UTP20: variants seen among roughly 807,000 people sequenced by gnomAD.
UTP20 encodes the protein UTP20 small subunit processome component.
Under a neutral mutation model 329.5 loss-of-function variants are expected in UTP20, and 164 were observed. The observed-to-expected ratio is 0.50, with a 90% CI of 0.44 to 0.57. The LOEUF (loss-of-function observed/expected upper bound fraction) is 0.57. Ranked by LOEUF, UTP20 falls within the 20% of genes least tolerant of loss-of-function variation. The probability of loss-of-function intolerance (pLI) is 0.00; values close to 1 mark genes in which losing one functional copy is unlikely to be tolerated. For synonymous variants in UTP20, 1,151 were observed against 1,159.3 expected, an observed-to-expected ratio of 0.99 and a Z score of 0.14; for missense variants, 3,055 against 3,284.2, an observed-to-expected ratio of 0.93 and a Z score of 1.71.
intron 27 of UTP20, among the ~76,000 whole-genome samples, chr12:101,332,714 T>C (rs1460193690): frequency 6.6e-6 from 1 of 152,208 alleles, no homozygotes; most frequent in Non-Finnish European, 1.5e-5. Context: ...CTTGACTCAG[T>C]CACATCATCC....
intron 12 of UTP20, among the ~76,000 whole-genome samples, chr12:101,296,322 A>G (rs2137239203): frequency 6.6e-6 from 1 of 152,338 alleles, no homozygotes; most frequent in Non-Finnish European, 1.5e-5. Context: ...CTGTAATCCC[A>G]GCACTTTGGG....
intron 40 of UTP20, among the ~76,000 whole-genome samples, chr12:101,353,616 A>G (rs1869613613): frequency 1.3e-5 from 2 of 152,186 alleles, no homozygotes; most frequent in South Asian, 4.1e-4. Context: ...CAGAAGGATC[A>G]GTGGAGCCTA....
chr12:101,366,424 G>A, intron 46 of UTP20, 134 bp from the exon 47 acceptor site: 2 of 1,057,410 alleles, frequency 1.9e-6, no homozygotes, highest in Non-Finnish European at 2.7e-6. Flanking sequence ...TTGGGGGTTT[G>A]GGGAGGGGCA....
intron 2 of UTP20, among the ~76,000 whole-genome samples, chr12:101,283,394 C>T (rs1459413489): frequency 6.6e-6 from 1 of 152,172 alleles, no homozygotes; most frequent in Non-Finnish European, 1.5e-5. Flanking sequence ...AAGGCAGAAG[C>T]TGTCAAGACC....
At chr12:101,358,961 A>C (rs1255944610) in intron 43 of UTP20, among the ~76,000 whole-genome samples, 1 of 152,148 alleles carries the variant, frequency 6.6e-6, no homozygotes, top group Admixed American at 6.6e-5. Context: ...CAGTTTGATC[A>C]TGATGTGTCT....
At chr12:101,308,024 A>G (rs1872684878) in intron 17 of UTP20, among the ~76,000 whole-genome samples, 161 bp from the exon 18 acceptor site, 1 of 152,208 alleles carries the variant, frequency 6.6e-6, no homozygotes, top group Non-Finnish European at 1.5e-5. Context: ...TGGTATGGGG[A>G]GAAAAGAATC....
In UTP20 at chr12:101,340,622, T is replaced by C. The variant is rs1869091304; in HGVS notation, c.4101+12T>C. On this transcript the variant is annotated intron_variant, in intron 32 of 61. Transcript: ENST00000261637. ...GCAATATTGCTGAGGTACAAACTCA[T>C]AGGACACTTAACTTTGTCTCTAGAG... 8.3e-6 allele frequency: 13 copies of C among 1,564,408 alleles called. No homozygotes were observed. Among genetic ancestry groups the C allele is most frequent in the Non-Finnish European group, 9.7e-6 (11 of 1,138,410 alleles).
At chr12:101,294,868 G>A (rs903687296) in intron 11 of UTP20, among the ~76,000 whole-genome samples, 1 of 152,110 alleles carries the variant, frequency 6.6e-6, no homozygotes, top group Non-Finnish European at 1.5e-5. Context: ...GTTTATAATT[G>A]CCTCGTTCTT....
chr12:101,381,168 A>G lies in UTP20; in HGVS notation c.7613A>G (p.His2538Arg). 3 of 1,614,046 alleles carry G rather than the reference A, an allele frequency of 1.9e-6. No homozygotes were observed. Among genetic ancestry groups the G allele is most frequent in the South Asian group, 1.1e-5 (1 of 91,084 alleles). ...AAAAGTATCTCTCTCGCCTCTTGCCATCAATTGCATTCCAAATTCTTGGAT... is the reference window on the plus strand; with the variant it reads ...AAAAGTATCTCTCTCGCCTCTTGCCGTCAATTGCATTCCAAATTCTTGGAT... ...KMKSISLASC[H>R]QLHSKFLDQS... Residue 2538 changes from histidine to arginine, a missense_variant, in exon 58 of 62, where the codon CAT becomes CGT. This residue lies in a region of UTP20 where 337 missense variants were observed against 345.5 expected (regional missense o/e 0.98). Transcript: ENST00000261637.
At chr12:101,310,624 A>ATCTGTC (rs1191130682) in intron 19 of UTP20, among the ~76,000 whole-genome samples, 1 of 149,616 alleles carries the variant, frequency 6.7e-6, no homozygotes, top group Non-Finnish European at 1.5e-5. Context: ...ATGTGTAGAA[A>ATCTGTC]TCTGTCTTCA....
intron 15 of UTP20, among the ~76,000 whole-genome samples, chr12:101,304,992 C>T (rs999449606): frequency 6.6e-6 from 1 of 152,122 alleles, no homozygotes; most frequent in Non-Finnish European, 1.5e-5. Context: ...TTTCAGATAC[C>T]CTTTTAGCTG....
intron 51 of UTP20, among the ~76,000 whole-genome samples, chr12:101,372,517 G>C (rs1183647053): frequency 6.6e-6 from 1 of 152,200 alleles, no homozygotes; most frequent in Non-Finnish European, 1.5e-5. Flanking sequence ...TGTTATTCTT[G>C]TTGAAGGGGA....
rs1565806049 is a variant in UTP20, at chr12:101,366,619, C to T, written c.6187C>T (p.Pro2063Ser). ...ACCCCAGAGCTGCCTTCTGCTTCCC[C>T]CAACTCCAGTTCGAGGTGGACAGAA... Reference protein sequence around the residue: ...LPPQSCLLLPPTPVRGGQKAV... With the variant: ...LPPQSCLLLPSTPVRGGQKAV... The change falls in exon 47 of 62, where the codon CCA (proline) becomes TCA (serine). Residue 2063 changes from proline to serine, a missense_variant. Physicochemically the swap from Pro to Ser is moderately conservative, Grantham distance 74. Coordinates refer to ENST00000261637, the MANE Select transcript of UTP20 (RefSeq NM_014503.3). The T allele has an allele frequency of 6.2e-7, 1 of 1,614,154 alleles. No homozygotes were observed. The highest frequency in any genetic ancestry group is 8.5e-7 in the Non-Finnish European group (1 of 1,180,024).
chr12:101,283,255 G>A (rs917933732), intron 2 of UTP20, among the ~76,000 whole-genome samples: 2 of 152,214 alleles, frequency 1.3e-5, no homozygotes, highest in Admixed American at 6.5e-5. Context: ...GGATGGTCCA[G>A]AATGGCCTCT....
At chr12:101,366,526 T>C (rs779504250) in intron 46 of UTP20, 32 bp from the exon 47 acceptor site, 2 of 1,598,380 alleles carry the variant, frequency 1.3e-6, no homozygotes, top group Non-Finnish European at 1.7e-6. Context: ...GACAGTGTTC[T>C]TTACCCTCTT....
chr12:101,293,287 C>T lies in UTP20; in HGVS notation c.1251+42C>T, dbSNP rs138495291. ...GTTCGGAGTATTTTTAAAAACAAAT[C>T]TGTCAGGAAAAAACGATCAAATTTG... On this transcript the variant is annotated intron_variant, in intron 11 of 61. Transcript: ENST00000261637. 7.0e-6 allele frequency: 11 copies of T among 1,572,610 alleles called. No individual in the cohort carries two copies. In the African/African-American group the frequency reaches 1.5e-4, roughly 21 times the overall value.
chr12:101,370,704 T>A, intron 50 of UTP20, 141 bp downstream of exon 50: 1 of 908,590 alleles, frequency 1.1e-6, no homozygotes, highest in Non-Finnish European at 1.6e-6. Flanking sequence ...TTTTGGTGGG[T>A]CAATTACAGG....
intron 43 of UTP20, among the ~76,000 whole-genome samples, chr12:101,361,494 C>A (rs911723627): frequency 6.6e-6 from 1 of 151,834 alleles, no homozygotes; most frequent in Non-Finnish European, 1.5e-5. Context: ...GTCACGATGC[C>A]GGGTGACTGT....
intron 15 of UTP20, among the ~76,000 whole-genome samples, chr12:101,303,163 A>C (rs1872566251): frequency 6.6e-6 from 1 of 152,192 alleles, no homozygotes; most frequent in East Asian, 1.9e-4. Context: ...AGATTTATTC[A>C]TTCACTTTGT....
Sources: gnomAD v4.1 joint callset for allele counts (sites outside exome capture counted in the v4.1 genomes callset) on GRCh38, gnomAD v4.1.1 for gene constraint, gnomAD v4.1.1 regional missense constraint, MANE v1.5 for transcripts, NCBI Gene and HGNC (gene_info 2026-07-23, HGNC 2026-07-21) for gene names.